The following AGTPBP1 variants were observed in gnomAD, a reference collection of about 807,000 sequenced individuals.
The protein encoded by AGTPBP1 is cytosolic carboxypeptidase 1.
In AGTPBP1, 70 loss-of-function variants were observed where a neutral mutation model predicts 143.9. The ratio of observed to expected loss-of-function variants is 0.49; its 90% CI spans 0.40 to 0.59. AGTPBP1 has a LOEUF of 0.59. AGTPBP1 is among the 20% of genes least tolerant of loss of function. AGTPBP1 has a pLI of 0.00. For missense variants in AGTPBP1, 1,229 were observed against 1,464.5 expected, an observed-to-expected ratio of 0.84 and a Z score of 2.62; for synonymous variants, 463 against 500.2, an observed-to-expected ratio of 0.93 and a Z score of 0.99.
the AGTPBP1 span, among the ~76,000 whole-genome samples, chr9:85,784,552 C>T: frequency 6.6e-6 from 1 of 152,168 alleles, no homozygotes. Flanking sequence ...GGGCTACAGG[C>T]ATAAACCACT....
intron 17 of AGTPBP1, among the ~76,000 whole-genome samples, chr9:85,603,830 A>G (rs1460000636): frequency 6.6e-6 from 1 of 152,130 alleles, no homozygotes. Context: ...TTGAGGGAAC[A>G]TCGGCAGGAG....
upstream of AGTPBP1, among the ~76,000 whole-genome samples, chr9:85,742,321 G>C (rs1209380303): frequency 1.3e-5 from 2 of 152,056 alleles, no homozygotes; most frequent in Admixed American, 1.3e-4. Context: ...TCCCAACGAG[G>C]GCCCCAGCCT....
the AGTPBP1 span, among the ~76,000 whole-genome samples, chr9:85,759,184 A>C: frequency 6.6e-6 from 1 of 152,288 alleles, no homozygotes; most frequent in African/African-American, 2.4e-5. Flanking sequence ...AGACTTTAAC[A>C]CCCCACTGTC....
the AGTPBP1 span, among the ~76,000 whole-genome samples, chr9:85,762,084 C>A: frequency 6.6e-6 from 1 of 152,130 alleles, no homozygotes; most frequent in African/African-American, 2.4e-5. Flanking sequence ...CCATCTCACA[C>A]CAGTTAGAAT....
chr9:85,760,320 A>G, the AGTPBP1 span, among the ~76,000 whole-genome samples: 2 of 152,234 alleles, frequency 1.3e-5, no homozygotes, highest in African/African-American at 2.4e-5. Context: ...CAACAAAAAA[A>G]GAGAATTTTA....
the AGTPBP1 span, among the ~76,000 whole-genome samples, chr9:85,786,862 G>A: frequency 6.6e-6 from 1 of 151,952 alleles, no homozygotes; most frequent in African/African-American, 2.4e-5. Flanking sequence ...AGGCATATTT[G>A]AAGAATAAAA....
In AGTPBP1 at chr9:85,731,732, G is replaced by A. The variant is rs139595336; in HGVS notation, c.-34+10043C>T. Among the ~76,000 whole-genome samples, 17 of 152,212 alleles carry A rather than the reference G, an allele frequency of 1.1e-4. No homozygotes were observed. The East Asian group carries it at 3.3e-3, about 29-fold the overall frequency. On this transcript the variant is annotated intron_variant, in intron 1 of 25. Coordinates refer to ENST00000357081, the MANE Select transcript of AGTPBP1 (RefSeq NM_001330701.2). ...CCCAAAGTACTGAGATTACAGGCAT[G>A]AGCCACCAAGCCCAGCCCAATGATT...
intron 12 of AGTPBP1, among the ~76,000 whole-genome samples, chr9:85,643,880 G>C (rs1458065468): frequency 6.6e-6 from 1 of 152,138 alleles, no homozygotes; most frequent in African/African-American, 2.4e-5. Context: ...TATGGCTGAA[G>C]AGAGATAATA....
chr9:85,594,426 A>C (rs1829164385), intron 18 of AGTPBP1, among the ~76,000 whole-genome samples: 1 of 152,062 alleles, frequency 6.6e-6, no homozygotes, highest in South Asian at 2.1e-4. Context: ...CAGTCTCTAC[A>C]AAAAATACAA....
the AGTPBP1 span, among the ~76,000 whole-genome samples, chr9:85,784,932 A>C: frequency 1.3e-5 from 2 of 152,196 alleles, no homozygotes; most frequent in African/African-American, 4.8e-5. Flanking sequence ...TCAAATTTTA[A>C]ATCTTGGGTC....
the AGTPBP1 span, among the ~76,000 whole-genome samples, chr9:85,780,793 TTAAATA>T: frequency 6.6e-6 from 1 of 152,162 alleles, no homozygotes. Flanking sequence ...TTCTTATCCT[TTAAATA>T]TATAGTCCAG....
At chr9:85,557,141 C>T (rs897142993) in intron 25 of AGTPBP1, among the ~76,000 whole-genome samples, 5 of 152,086 alleles carry the variant, frequency 3.3e-5, no homozygotes, top group Non-Finnish European at 5.9e-5. Flanking sequence ...TATAAATAGC[C>T]ATAAACATAT....
intron 13 of AGTPBP1, among the ~76,000 whole-genome samples, chr9:85,633,733 G>A (rs1587787904): frequency 6.6e-6 from 1 of 152,186 alleles, no homozygotes; most frequent in South Asian, 2.1e-4. Context: ...TTTGTGCCAA[G>A]CTTTGTCTCA....
At chr9:85,746,801 A>T (rs1588024771), upstream of AGTPBP1, among the ~76,000 whole-genome samples, 1 of 152,260 alleles carries the variant, frequency 6.6e-6, no homozygotes, top group Non-Finnish European at 1.5e-5. Flanking sequence ...TAAATATGTT[A>T]GCTTGACTAT....
chr9:85,597,004 C>G (rs1009916566), intron 17 of AGTPBP1, among the ~76,000 whole-genome samples: 63 of 152,202 alleles, frequency 4.1e-4, no homozygotes, highest in African/African-American at 1.4e-3. Context: ...TACCTAATTA[C>G]TAAATGATAT....
chr9:85,770,292 T>A, the AGTPBP1 span: 1 of 1,591,152 alleles, frequency 6.3e-7, no homozygotes. Context: ...AGGAAGAACA[T>A]GTTCTTTTCC....
At chr9:85,672,801 C>T (rs1409467442) in intron 6 of AGTPBP1, 120 bp from the exon 7 acceptor site, 3 of 671,338 alleles carry the variant, frequency 4.5e-6, no homozygotes, top group African/African-American at 2.0e-5. Context: ...GTGGCTCCAT[C>T]TCAGCTCACT....
chr9:85,571,084 C>T (rs1374752636), intron 25 of AGTPBP1, among the ~76,000 whole-genome samples: 1 of 152,150 alleles, frequency 6.6e-6, no homozygotes, highest in Non-Finnish European at 1.5e-5. Flanking sequence ...TTTGAGCATG[C>T]ATGTATATGC....
At chr9:85,613,861 A>G (rs904102785) in intron 17 of AGTPBP1, among the ~76,000 whole-genome samples, 1 of 152,090 alleles carries the variant, frequency 6.6e-6, no homozygotes, top group African/African-American at 2.4e-5. Flanking sequence ...ATTTTAACAA[A>G]TCAAAAATAG....
Sources: gnomAD v4.1 joint callset for allele counts (sites outside exome capture counted in the v4.1 genomes callset) on GRCh38, gnomAD v4.1.1 for gene constraint, MANE v1.5 for transcripts, NCBI Gene and HGNC (gene_info 2026-07-23, HGNC 2026-07-21) for gene names.